The following PTPRR variants were observed in gnomAD, a reference collection of about 807,000 sequenced individuals.
PTPRR encodes the protein protein tyrosine phosphatase receptor type R, also known as receptor-type tyrosine-protein phosphatase R.
A neutral mutation model predicts 77.2 loss-of-function variants in PTPRR; 38 were observed. That is an observed-to-expected ratio of 0.49 (90% CI 0.38 to 0.65). The LOEUF (loss-of-function observed/expected upper bound fraction) is 0.65, where lower values mean the gene tolerates loss of function less well. Ranked by LOEUF, PTPRR falls within the 30% of genes least tolerant of loss-of-function variation. The pLI is 0.00. For missense variants in PTPRR, 744 were observed against 799.2 expected (o/e 0.93, Z 0.83); for synonymous variants, 299 against 283.1 (o/e 1.06, Z -0.57).
At chr12:70,713,565 C>CTTTTT (rs35168919) in intron 6 of PTPRR, among the ~76,000 whole-genome samples, 28,736 of 140,354 alleles carry the variant, frequency 0.2, 3,536 homozygotes, top group East Asian at 0.38. Context: ...TTGCTGCTGC[C>CTTTTT]TTTTTTTTTT....
chr12:70,722,119 A>T (rs1889279860), intron 6 of PTPRR, among the ~76,000 whole-genome samples: 1 of 151,970 alleles, frequency 6.6e-6, no homozygotes, highest in Non-Finnish European at 1.5e-5. Context: ...TTCCTTTCCC[A>T]CCCACTCCTT....
chr12:70,798,479 T>G (rs1891554950), intron 2 of PTPRR, among the ~76,000 whole-genome samples: 1 of 152,220 alleles, frequency 6.6e-6, no homozygotes, highest in South Asian at 2.1e-4. Context: ...TTCCTACTGC[T>G]TTTACAACAG....
intron 2 of PTPRR, among the ~76,000 whole-genome samples, chr12:70,813,839 C>T (rs890641393): frequency 6.6e-6 from 1 of 152,176 alleles, no homozygotes; most frequent in African/African-American, 2.4e-5. Context: ...CGATCGCTTG[C>T]TCTACAGGGT....
chr12:70,669,638 T>C (rs997656915), intron 10 of PTPRR, among the ~76,000 whole-genome samples: 1 of 151,354 alleles, frequency 6.6e-6, no homozygotes, highest in African/African-American at 2.4e-5. Context: ...GATCATAGCT[T>C]ACCGCATCCT....
At chr12:70,912,715 C>T (rs1007711915) in intron 1 of PTPRR, among the ~76,000 whole-genome samples, 2 of 152,026 alleles carry the variant, frequency 1.3e-5, no homozygotes, top group African/African-American at 4.8e-5. Context: ...GTGGAAAGTG[C>T]TAATGTTTAT....
At chr12:70,694,666 G>T (rs1888168503) in intron 8 of PTPRR, among the ~76,000 whole-genome samples, 1 of 152,078 alleles carries the variant, frequency 6.6e-6, no homozygotes. Context: ...GGGAGGGAGG[G>T]AAAGGGAGAA....
chr12:70,852,613 G>A (rs1180823437), intron 2 of PTPRR, among the ~76,000 whole-genome samples: 1 of 152,154 alleles, frequency 6.6e-6, no homozygotes, highest in Non-Finnish European at 1.5e-5. Context: ...CAGCCCCTGA[G>A]GAGCCACCAG....
chr12:70,735,714 G>T (rs775616208), intron 6 of PTPRR, among the ~76,000 whole-genome samples: 1 of 152,124 alleles, frequency 6.6e-6, no homozygotes, highest in African/African-American at 2.4e-5. Context: ...TTATTTCTTT[G>T]TGACATTGAG....
chr12:70,723,934 C>G (rs1007332494), intron 6 of PTPRR, among the ~76,000 whole-genome samples: 2 of 151,968 alleles, frequency 1.3e-5, no homozygotes, highest in Non-Finnish European at 2.9e-5. Flanking sequence ...GCAATTTGCT[C>G]TTTATTTTTA....
intron 2 of PTPRR, among the ~76,000 whole-genome samples, chr12:70,879,993 T>G (rs1367190020): frequency 2.6e-5 from 4 of 152,304 alleles, no homozygotes; most frequent in South Asian, 4.1e-4. Context: ...GCCCTCAGCT[T>G]TTTAGCAGTC....
chr12:70,902,663 C>T (rs1265590094), intron 1 of PTPRR, among the ~76,000 whole-genome samples: 3 of 151,678 alleles, frequency 2.0e-5, no homozygotes, highest in Non-Finnish European at 4.4e-5. Context: ...TATGTTCTCA[C>T]TGATATGTGG....
At chr12:70,688,038 G>T (rs1887931826) in intron 8 of PTPRR, among the ~76,000 whole-genome samples, 1 of 152,084 alleles carries the variant, frequency 6.6e-6, no homozygotes, top group Non-Finnish European at 1.5e-5. Flanking sequence ...TCCTACAATT[G>T]TTGGTCAGGG....
chr12:70,766,104 C>T (rs1162009839), intron 2 of PTPRR, among the ~76,000 whole-genome samples: 10 of 152,230 alleles, frequency 6.6e-5, no homozygotes, highest in Middle Eastern at 3.4e-3. Flanking sequence ...AAAAGCAGAG[C>T]GCCTCTCCTC....
At chr12:70,869,444 C>T (rs1347797454) in intron 2 of PTPRR, among the ~76,000 whole-genome samples, 2 of 152,110 alleles carry the variant, frequency 1.3e-5, no homozygotes, top group Non-Finnish European at 2.9e-5. Context: ...CAAAGTGGGA[C>T]ACTATTATCC....
chr12:70,883,669 C>T (rs1052151610), intron 2 of PTPRR, among the ~76,000 whole-genome samples: 1 of 152,014 alleles, frequency 6.6e-6, no homozygotes, highest in Admixed American at 6.6e-5. Flanking sequence ...AACCGTGTTA[C>T]TTTATTAAAA....
intron 12 of PTPRR, among the ~76,000 whole-genome samples, chr12:70,658,317 A>G (rs976581041): frequency 1.3e-5 from 2 of 152,138 alleles, no homozygotes; most frequent in Non-Finnish European, 2.9e-5. Flanking sequence ...TTCAGCTCCC[A>G]TGGTTGGAAA....
At chr12:70,856,258 C>T (rs948840481) in intron 2 of PTPRR, among the ~76,000 whole-genome samples, 8 of 152,116 alleles carry the variant, frequency 5.3e-5, no homozygotes, top group African/African-American at 1.2e-4. Context: ...GGGAGAAAGA[C>T]ATTCCAACTA....
At chr12:70,835,891 AG>A (rs1201122406) in intron 2 of PTPRR, among the ~76,000 whole-genome samples, 2 of 152,130 alleles carry the variant, frequency 1.3e-5, no homozygotes, top group Non-Finnish European at 2.9e-5. Context: ...TTGAAACGGT[AG>A]CTCAGTAAAC....
intron 2 of PTPRR, among the ~76,000 whole-genome samples, chr12:70,872,908 A>C (rs1892986524): frequency 6.6e-6 from 1 of 152,126 alleles, no homozygotes; most frequent in South Asian, 2.1e-4. Flanking sequence ...GAACTTTAAA[A>C]CAATTTTATG....
Sources: allele counts gnomAD v4.1 joint callset (sites outside exome capture counted in the v4.1 genomes callset), GRCh38; gene constraint gnomAD v4.1.1; transcripts MANE v1.5; gene names NCBI Gene and HGNC (gene_info 2026-07-23, HGNC 2026-07-21).